ZC3H12B: variants seen among roughly 807,000 people sequenced by gnomAD.
ZC3H12B encodes the protein probable ribonuclease ZC3H12B.
ZC3H12B carries 7 observed loss-of-function variants against 43.9 expected under a neutral mutation model. The observed-to-expected ratio is 0.16, with a 90% CI of 0.09 to 0.30. The LOEUF is 0.30. Ranked by LOEUF, ZC3H12B falls within the 10% of genes least tolerant of loss-of-function variation. The pLI, the probability that ZC3H12B is intolerant of heterozygous loss-of-function variation, is 1.00. For missense variants in ZC3H12B, 475 were observed against 670.2 expected, an observed-to-expected ratio of 0.71 and a Z score of 3.22; for synonymous variants, 222 against 241.7, an observed-to-expected ratio of 0.92 and a Z score of 0.76.
chrX:65,248,307 G>A, the ZC3H12B span, among the ~76,000 whole-genome samples: 4 of 111,425 alleles, frequency 3.6e-5, no homozygotes, highest in African/African-American at 1.3e-4. Flanking sequence ...TGGGATTACA[G>A]CTGTGAGCCA....
the ZC3H12B span, among the ~76,000 whole-genome samples, chrX:65,103,261 G>T: frequency 9.0e-6 from 1 of 111,581 alleles, no homozygotes; most frequent in Admixed American, 9.5e-5. Flanking sequence ...GTTCCTTGCT[G>T]AGAAAAAGAA....
At chrX:65,163,861 G>A in the ZC3H12B span, among the ~76,000 whole-genome samples, 90 of 112,031 alleles carry the variant, frequency 8.0e-4, no homozygotes, top group African/African-American at 2.2e-3. Context: ...CATCTTCTGC[G>A]TCACTCACGC....
the ZC3H12B span, among the ~76,000 whole-genome samples, chrX:65,228,457 C>T: frequency 1.8e-5 from 2 of 110,952 alleles, no homozygotes; most frequent in African/African-American, 6.6e-5. Flanking sequence ...GGAAGCATTC[C>T]CTTTGAAAAC....
chrX:65,419,103 G>C (rs1033161720), intron 3 of ZC3H12B, among the ~76,000 whole-genome samples: 3 of 110,475 alleles, frequency 2.7e-5, no homozygotes, highest in Non-Finnish European at 3.8e-5. Flanking sequence ...TGGGCCCGTG[G>C]GTCCCCAAAA....
At chrX:65,200,988 G>A in the ZC3H12B span, among the ~76,000 whole-genome samples, 515 of 111,352 alleles carry the variant, frequency 4.6e-3, 1 homozygote, top group Non-Finnish European at 8.3e-3. Context: ...CAAGGATGTT[G>A]GACTTAAGTT....
At chrX:65,476,613 C>T (rs2067994522) in intron 3 of ZC3H12B, among the ~76,000 whole-genome samples, 1 of 111,276 alleles carries the variant, frequency 9.0e-6, no homozygotes, top group Non-Finnish European at 1.9e-5. Flanking sequence ...TGGTGCCACT[C>T]ATTTTTACAC....
At chrX:65,254,550 G>A in the ZC3H12B span, among the ~76,000 whole-genome samples, 28 of 111,868 alleles carry the variant, frequency 2.5e-4, no homozygotes, top group Admixed American at 2.3e-3. Context: ...AAAGCAAAAG[G>A]AAAAACACAT....
chrX:65,224,144 A>T, the ZC3H12B span, among the ~76,000 whole-genome samples: 2 of 112,642 alleles, frequency 1.8e-5, no homozygotes, highest in African/African-American at 6.5e-5. Context: ...AAAGAGTGGA[A>T]TTCACAGCAT....
the ZC3H12B span, among the ~76,000 whole-genome samples, chrX:65,220,059 C>T: frequency 1.9e-4 from 21 of 111,205 alleles, no homozygotes; most frequent in Non-Finnish European, 3.0e-4. Flanking sequence ...CTTTAGCCTC[C>T]TCAAACAAAA....
chrX:65,184,799 G>A, the ZC3H12B span, among the ~76,000 whole-genome samples: 2 of 111,363 alleles, frequency 1.8e-5, no homozygotes, highest in South Asian at 3.7e-4. Context: ...AGTCTAAGGA[G>A]TATAATCCTG....
chrX:65,167,994 G>T, the ZC3H12B span, among the ~76,000 whole-genome samples: 1 of 111,809 alleles, frequency 8.9e-6, no homozygotes, highest in Non-Finnish European at 1.9e-5. Flanking sequence ...GGGACAATTT[G>T]ACTTCCTTTT....
chrX:65,042,293 G>T, the ZC3H12B span, among the ~76,000 whole-genome samples: 1 of 112,426 alleles, frequency 8.9e-6, no homozygotes, highest in African/African-American at 3.2e-5. Context: ...GGCACTTTGT[G>T]TATTTATGGA....
the ZC3H12B span, among the ~76,000 whole-genome samples, chrX:65,236,420 T>G: frequency 7.1e-5 from 8 of 112,192 alleles, no homozygotes; most frequent in African/African-American, 2.6e-4. Flanking sequence ...TATATTTGTT[T>G]AAATTCCTTT....
chrX:65,061,764 C>T, the ZC3H12B span, among the ~76,000 whole-genome samples: 1 of 112,346 alleles, frequency 8.9e-6, no homozygotes, highest in Non-Finnish European at 1.9e-5. Context: ...AATGGTTGAA[C>T]TAATTTACAT....
the ZC3H12B span, among the ~76,000 whole-genome samples, chrX:65,309,093 G>A: frequency 5.9e-4 from 65 of 109,426 alleles, no homozygotes; most frequent in African/African-American, 2.1e-3. Context: ...AGAAGCAAGA[G>A]CAAACAAATT....
At chrX:65,091,977 T>C in the ZC3H12B span, among the ~76,000 whole-genome samples, 1 of 111,909 alleles carries the variant, frequency 8.9e-6, no homozygotes, top group East Asian at 2.8e-4. Context: ...GATTAGATCA[T>C]GGGGGTGAAT....
At chrX:65,485,266 G>C (rs1290163932), upstream of ZC3H12B, among the ~76,000 whole-genome samples, 1 of 111,995 alleles carries the variant, frequency 8.9e-6, no homozygotes, top group Admixed American at 9.5e-5. Context: ...TCTATGTCTT[G>C]TTGTTGAGAC....
chrX:65,385,632 C>T (rs1001291045), intron 2 of ZC3H12B, among the ~76,000 whole-genome samples: 17 of 109,969 alleles, frequency 1.5e-4, no homozygotes, highest in Non-Finnish European at 2.7e-4. Context: ...ATTGAATACC[C>T]TTTTTTTTTA....
At chrX:65,048,412 T>C in the ZC3H12B span, among the ~76,000 whole-genome samples, 1 of 111,402 alleles carries the variant, frequency 9.0e-6, no homozygotes, top group Non-Finnish European at 1.9e-5. Context: ...TGTTTTCAAT[T>C]CTTTTGGATA....
Sources: gnomAD v4.1 joint callset for allele counts (sites outside exome capture counted in the v4.1 genomes callset) on GRCh38, gnomAD v4.1.1 for gene constraint, MANE v1.5 for transcripts, NCBI Gene and HGNC (gene_info 2026-07-23, HGNC 2026-07-21) for gene names.